Variants in ECE1 observed in about 807,000 individuals in gnomAD.
ECE1 encodes the protein endothelin-converting enzyme 1.
Under a neutral mutation model 98.6 loss-of-function variants are expected in ECE1, and 35 were observed. The ratio of observed to expected loss-of-function variants is 0.35; its 90% CI spans 0.27 to 0.47. ECE1 has a LOEUF of 0.47. ECE1 is among the 20% of genes least tolerant of loss of function. ECE1 has a pLI of 1.00. For missense variants in ECE1, 814 were observed against 1,025.3 expected (o/e 0.79, Z 2.81); for synonymous variants, 394 against 407.1 (o/e 0.97, Z 0.39).
chr1:21,331,743 T>C (rs1049656853), intron 1 of ECE1, among the ~76,000 whole-genome samples: 1 of 152,174 alleles, frequency 6.6e-6, no homozygotes. Context: ...AATAAGTACC[T>C]CACAGGGTTG....
At chr1:21,325,477 C>T (rs1239221531) in intron 1 of ECE1, among the ~76,000 whole-genome samples, 1 of 152,224 alleles carries the variant, frequency 6.6e-6, no homozygotes, top group African/African-American at 2.4e-5. Context: ...GCTTCTCATC[C>T]TCTTTTGCTG....
At chr1:21,334,105 C>A (rs1353198571) in intron 1 of ECE1, among the ~76,000 whole-genome samples, 1 of 152,212 alleles carries the variant, frequency 6.6e-6, no homozygotes, top group South Asian at 2.1e-4. Flanking sequence ...AACCTCCATA[C>A]CTCCATCTTA....
chr1:21,268,993 G>A (rs1406499897), intron 4 of ECE1, among the ~76,000 whole-genome samples: 2 of 152,214 alleles, frequency 1.3e-5, no homozygotes, highest in Admixed American at 6.5e-5. Flanking sequence ...GTATGACATG[G>A]GGGTGACCCC....
chr1:21,239,277 T>C (rs1167763300), intron 10 of ECE1, among the ~76,000 whole-genome samples: 2 of 152,230 alleles, frequency 1.3e-5, no homozygotes, highest in Non-Finnish European at 2.9e-5. Flanking sequence ...GCTGGGCTAA[T>C]GTCAGCCCCA....
chr1:21,226,043 AG>A (rs1439335780), intron 16 of ECE1, among the ~76,000 whole-genome samples: 1 of 152,156 alleles, frequency 6.6e-6, no homozygotes, highest in Non-Finnish European at 1.5e-5. Context: ...ACAGATGCCT[AG>A]GAAGAGGCAG....
chr1:21,273,200 C>A (rs1195642317), intron 3 of ECE1, among the ~76,000 whole-genome samples: 4 of 152,236 alleles, frequency 2.6e-5, no homozygotes, highest in Non-Finnish European at 5.9e-5. Flanking sequence ...CTTTATTATT[C>A]CTTGATGCTC....
chr1:21,323,296 G>A (rs1203563911), intron 1 of ECE1, among the ~76,000 whole-genome samples: 3 of 152,154 alleles, frequency 2.0e-5, no homozygotes, highest in Non-Finnish European at 2.9e-5. Context: ...ACCGGCGGGG[G>A]GAGGGTTATG....
intron 8 of ECE1, among the ~76,000 whole-genome samples, chr1:21,252,684 C>A (rs796494138): frequency 2.0e-5 from 3 of 152,338 alleles, no homozygotes; most frequent in African/African-American, 7.2e-5. Flanking sequence ...TGTACCCCAG[C>A]AGGGCTAGCC....
chr1:21,238,076 C>T (rs1173433823), intron 11 of ECE1, 58 bp downstream of exon 11: 2 of 1,516,546 alleles, frequency 1.3e-6, no homozygotes, highest in East Asian at 2.3e-5. Context: ...ACTGGCAGGT[C>T]TGTGCAGGCC....
intron 10 of ECE1, among the ~76,000 whole-genome samples, chr1:21,241,299 G>T (rs2098195900): frequency 6.6e-6 from 1 of 152,038 alleles, no homozygotes; most frequent in African/African-American, 2.4e-5. Context: ...GCCTCCCAAA[G>T]TGCTAGGATT....
intron 10 of ECE1, among the ~76,000 whole-genome samples, chr1:21,239,090 C>T (rs1484093708): frequency 1.3e-5 from 2 of 151,714 alleles, no homozygotes; most frequent in African/African-American, 4.8e-5. Flanking sequence ...GCCTTGACTT[C>T]CCAGAGTGCT....
chr1:21,334,328 C>T (rs1639265556), intron 1 of ECE1, among the ~76,000 whole-genome samples: 1 of 152,224 alleles, frequency 6.6e-6, no homozygotes, highest in Non-Finnish European at 1.5e-5. Context: ...ACCGGAAGCC[C>T]AACAGGATGC....
At chr1:21,312,817 T>C (rs1217711386) in intron 1 of ECE1, among the ~76,000 whole-genome samples, 4 of 152,218 alleles carry the variant, frequency 2.6e-5, no homozygotes, top group African/African-American at 7.2e-5. Flanking sequence ...TCCCTGTGCC[T>C]TGGTTTATCA....
At chr1:21,299,112 G>A (rs3026849) in intron 1 of ECE1, 326 of 336,790 alleles carry the variant, frequency 9.7e-4, no homozygotes, top group African/African-American at 6.6e-3. Flanking sequence ...CCGTCTCATT[G>A]AATGATATGG....
At chr1:21,269,551 C>T (rs2098237836) in intron 4 of ECE1, among the ~76,000 whole-genome samples, 1 of 152,206 alleles carries the variant, frequency 6.6e-6, no homozygotes, top group Non-Finnish European at 1.5e-5. Context: ...GACCTCTCTG[C>T]AGTCATACAG....
chr1:21,225,331 G>A lies in ECE1; in HGVS notation c.1959C>T (p.Ser653=), dbSNP rs544748380. 24 of 1,614,234 alleles carry A rather than the reference G, an allele frequency of 1.5e-5. No individual in the cohort carries two copies. The African/African-American group carries it at 2.0e-4, about 13-fold the overall frequency. The part of the protein sequence containing the change: ...ECMVEQYSNY[S]VNGEPVNGRH... ...GCCCGTTCACCGGCTCCCCGTTCAC[G>A]CTGTAGTTGCTGTACTGCTCTACCA... The change falls in exon 17 of 19, where the codon AGC becomes AGT. Residue 653 remains serine (S), a synonymous_variant. Coordinates refer to ENST00000374893, the MANE Select transcript of ECE1 (RefSeq NM_001397.3). The surrounding 1 kb of genome is among the most constrained non-coding windows in gnomAD (Gnocchi z 5.3).
chr1:21,221,987 C>T (rs1004460899), intron 17 of ECE1, 145 bp from the exon 18 acceptor site: 1 of 761,872 alleles, frequency 1.3e-6, no homozygotes, highest in African/African-American at 1.7e-5. Flanking sequence ...CTAGGGGAGC[C>T]CTCTTCTTGA....
intron 8 of ECE1, among the ~76,000 whole-genome samples, chr1:21,250,585 A>G (rs1573966060): frequency 6.6e-6 from 1 of 152,374 alleles, no homozygotes; most frequent in South Asian, 2.1e-4. Flanking sequence ...GAGAGGCTCC[A>G]CATATGGCCT....
At chr1:21,286,524 G>C (rs755169617) in intron 2 of ECE1, among the ~76,000 whole-genome samples, 11 of 152,202 alleles carry the variant, frequency 7.2e-5, no homozygotes, top group Non-Finnish European at 1.3e-4. Flanking sequence ...CACAGCGCAG[G>C]AGAGACAGAG....
Sources: allele counts gnomAD v4.1 joint callset (sites outside exome capture counted in the v4.1 genomes callset), GRCh38; gene constraint gnomAD v4.1.1; non-coding constraint Gnocchi (gnomAD v3.1); transcripts MANE v1.5; gene names NCBI Gene and HGNC (gene_info 2026-07-23, HGNC 2026-07-21).